PTPN23: variants seen among roughly 807,000 people sequenced by gnomAD.
The protein encoded by PTPN23 is protein tyrosine phosphatase non-receptor type 23.
In PTPN23, 72 loss-of-function variants were observed where a neutral mutation model predicts 156.3. The ratio of observed to expected loss-of-function variants is 0.46; its 90% CI spans 0.38 to 0.56. PTPN23 has a LOEUF of 0.56. Ranked by LOEUF, PTPN23 falls within the 20% of genes least tolerant of loss-of-function variation. PTPN23 has a pLI of 0.00. For missense variants in PTPN23, 1,974 were observed against 2,171.5 expected, an observed-to-expected ratio of 0.91 and a Z score of 1.81; for synonymous variants, 957 against 899.6, an observed-to-expected ratio of 1.06 and a Z score of -1.14.
In PTPN23 at chr3:47,412,082, C is replaced by T; in HGVS notation, c.4074-12C>T. 1 of 1,612,860 alleles carries T rather than the reference C, an allele frequency of 6.2e-7. No individual in the cohort carries two copies. ...GCTCATAGGCTCTTCCTGGCCCCATCCTGTCCCACAGAGGCCTGCCCGACA... is the reference window on the plus strand; with the variant it reads ...GCTCATAGGCTCTTCCTGGCCCCATTCTGTCCCACAGAGGCCTGCCCGACA... On this transcript the variant is annotated splice_polypyrimidine_tract_variant and intron_variant, in intron 21 of 24. Transcript: ENST00000265562.
rs1704876491 is a variant in PTPN23, at chr3:47,396,216, A to G, written c.158A>G (p.Gln53Arg). Residue 53 changes from glutamine to arginine, a missense_variant and splice_region_variant, in exon 2 of 25, where the codon CAG becomes CGG. Physicochemically the swap from Gln to Arg is conservative, Grantham distance 43. This residue lies in a region of PTPN23 where 726 missense variants were observed against 929.5 expected (regional missense o/e 0.78). Coordinates refer to ENST00000265562, the MANE Select transcript of PTPN23 (RefSeq NM_015466.4). The stretch of plus-strand genomic sequence containing the variant: ...CTGAAGAAGCTGGAGTTGCTCAGAC[A>G]GGTAGGAGGATAGTATTATCTTTTT... ...EELKKLELLRQNAVRVPRDFE... is the reference protein window; with the variant it reads ...EELKKLELLRRNAVRVPRDFE... 1.2e-6 allele frequency: 2 copies of G among 1,609,314 alleles called. No homozygotes were observed. Among genetic ancestry groups the G allele is most frequent in the Admixed American group, 1.7e-5 (1 of 59,848 alleles).
intron 1 of PTPN23, among the ~76,000 whole-genome samples, chr3:47,389,890 T>C (rs1248820230): frequency 3.0e-5 from 4 of 132,022 alleles, no homozygotes; most frequent in Non-Finnish European, 6.3e-5. Flanking sequence ...CTAGCCAACA[T>C]GGCAAAACCC....
intron 2 of PTPN23, among the ~76,000 whole-genome samples, chr3:47,397,215 T>C (rs1704897437): frequency 2.0e-5 from 3 of 152,110 alleles, no homozygotes; most frequent in Non-Finnish European, 2.9e-5. Context: ...ATAACAGATA[T>C]ATAATAAAAA....
Position 47,412,321 on chromosome 3 carries a change from A to G in PTPN23, c.4217A>G (p.Tyr1406Cys). The G allele has an allele frequency of 1.9e-6, 3 of 1,613,394 alleles. No homozygotes were observed. Among genetic ancestry groups the G allele is most frequent in the Non-Finnish European group, 1.7e-6 (2 of 1,180,010 alleles). Residue 1406 changes from tyrosine (Y) to cysteine (C), a missense_variant, in exon 23 of 25, where the codon TAT (tyrosine) becomes TGT (cysteine). Transcript: ENST00000265562. The part of the protein sequence containing the change: ...VGRTGAFALL[Y>C]AAVQEVEAGN... Reference sequence around the variant, plus strand: ...CGCACGGGAGCCTTTGCACTGCTCTATGCAGCTGTGCAGGAGGTGGAGGCT... The same window carrying G: ...CGCACGGGAGCCTTTGCACTGCTCTGTGCAGCTGTGCAGGAGGTGGAGGCT...
At chr3:47,402,309 T>C (rs1705012205) in intron 2 of PTPN23, among the ~76,000 whole-genome samples, 1 of 152,184 alleles carries the variant, frequency 6.6e-6, no homozygotes, top group Non-Finnish European at 1.5e-5. Context: ...AGACCGAGTC[T>C]CACTCTGTCA....
In PTPN23 at chr3:47,412,175, C is replaced by T; in HGVS notation, c.4155C>T (p.His1385=). 1.2e-6 allele frequency: 2 copies of T among 1,613,208 alleles called. No homozygotes were observed. Among genetic ancestry groups the T allele is most frequent in the Non-Finnish European group, 1.7e-6 (2 of 1,180,032 alleles). The change falls in exon 22 of 25, where the codon CAC becomes CAT. Residue 1385 remains histidine (H), a synonymous_variant. Transcript: ENST00000265562. ...ATTACCTGCATCAGCGGCCGCTGCA[C>T]ACGCCCATCATTGTGCACTGCAGGT... is the stretch of plus-strand genomic sequence containing the variant. The part of the protein sequence containing the change: ...HAHYLHQRPL[H]TPIIVHCSSG...
At chr3:47,390,259 C>T (rs914002219) in intron 1 of PTPN23, among the ~76,000 whole-genome samples, 1 of 152,090 alleles carries the variant, frequency 6.6e-6, no homozygotes, top group African/African-American at 2.4e-5. Context: ...AAACCAAGCC[C>T]AGATTTCACA....
At chr3:47,386,230 A>G (rs893624546) in intron 1 of PTPN23, among the ~76,000 whole-genome samples, 2 of 151,872 alleles carry the variant, frequency 1.3e-5, no homozygotes, top group African/African-American at 4.8e-5. Flanking sequence ...AAATGGTGCA[A>G]TCTTGGCTCA....
intron 1 of PTPN23, among the ~76,000 whole-genome samples, chr3:47,386,494 T>G (rs1162531190): frequency 6.6e-6 from 1 of 152,214 alleles, no homozygotes; most frequent in Admixed American, 6.5e-5. Flanking sequence ...TGCCTTTTTT[T>G]TACTGTTCAT....
chr3:47,404,938 C>T lies in PTPN23; in HGVS notation c.288-67C>T, dbSNP rs1705087365. On this transcript the variant is annotated intron_variant, in intron 3 of 24. Transcript: ENST00000265562. ...CATCCCCACAATGGGGTGTTTAGTC[C>T]CCTTACCTAATCTCAGGGCCCTGGC... 4.4e-6 allele frequency: 7 copies of T among 1,603,070 alleles called. No individual in the cohort carries two copies. The Admixed American group carries it at 6.7e-5, about 15-fold the overall frequency.
Position 47,406,434 on chromosome 3 carries a change from A to G in PTPN23, c.627+29A>G. The G allele has an allele frequency of 6.2e-7, 1 of 1,613,764 alleles. No homozygotes were observed. Among genetic ancestry groups the G allele is most frequent in the Middle Eastern group, 1.6e-4 (1 of 6,062 alleles). The stretch of plus-strand genomic sequence containing the variant: ...GGGACGGGGCTGAGGGGAGGCCTTC[A>G]CTTTACTGCTGACTCCCCCACTCAT... On this transcript the variant is annotated intron_variant, in intron 7 of 24. Transcript: ENST00000265562. This position sits in a 1 kb window ranked among gnomAD's most constrained non-coding sequence, Gnocchi z 5.8.
In PTPN23 at chr3:47,405,721, C is replaced by A. The variant is rs1705105575; in HGVS notation, c.365-28C>A. 4 of 1,593,326 alleles carry A rather than the reference C, an allele frequency of 2.5e-6. No homozygotes were observed. The highest frequency in any genetic ancestry group is 3.4e-6 in the Non-Finnish European group (4 of 1,170,358). ...TCACATGGGTGTGAGCAGCCCCAGG[C>A]CCCTAACACTGTCCCCTCCCTCCCC... is the stretch of plus-strand genomic sequence containing the variant. On this transcript the variant is annotated intron_variant, in intron 4 of 24. Coordinates refer to ENST00000265562, the MANE Select transcript of PTPN23 (RefSeq NM_015466.4). The surrounding 1 kb of genome is among the most constrained non-coding windows in gnomAD (Gnocchi z 4.7).
At position 47,407,656 on chromosome 3, in the gene PTPN23, ACT is replaced by A; in HGVS notation, c.1004-38_1004-37del. ...CAGGACACAGGAGGCTGCCTCAAGG[ACT>A]CTGCGTGGGCCTGATCTCCACAATT... On this transcript the variant is annotated intron_variant, in intron 12 of 24. Coordinates refer to ENST00000265562, the MANE Select transcript of PTPN23 (RefSeq NM_015466.4). The surrounding 1 kb of genome is among the most constrained non-coding windows in gnomAD (Gnocchi z 4.0). The A allele has an allele frequency of 6.2e-7, 1 of 1,607,508 alleles. No homozygotes were observed. The highest frequency in any genetic ancestry group is 8.5e-7 in the Non-Finnish European group (1 of 1,174,558).
chr3:47,406,842 TTC>T lies in PTPN23; in HGVS notation c.807+96_807+97del. 1.3e-6 allele frequency: 2 copies of T among 1,510,106 alleles called. No individual in the cohort carries two copies. Among genetic ancestry groups the T allele is most frequent in the Non-Finnish European group, 1.8e-6 (2 of 1,103,880 alleles). The allele number at this position is 1,510,106 out of a possible 1,614,324, so 93.5% of individuals were successfully genotyped here. A position where few individuals can be genotyped will look rare whatever the true frequency, so the allele number is the denominator to read the frequency against. On this transcript the variant is annotated intron_variant, in intron 9 of 24. Coordinates refer to ENST00000265562, the MANE Select transcript of PTPN23 (RefSeq NM_015466.4). This position sits in a 1 kb window ranked among gnomAD's most constrained non-coding sequence, Gnocchi z 5.8. ...GCTCCTTACACACCAGGGGGTGGCC[TTC>T]TCTGTCTCACCCTGGCCATCACCCT...
chr3:47,405,206 A>C lies in PTPN23; in HGVS notation c.364+125A>C. On this transcript the variant is annotated intron_variant, in intron 4 of 24. Transcript: ENST00000265562. This position sits in a 1 kb window ranked among gnomAD's most constrained non-coding sequence, Gnocchi z 4.7. ...AGGACTCCAGGATTCCCGCCCCTCC[A>C]CTGACCTCCCCACAGCCCTGCCAGC... 1.2e-6 allele frequency: 1 copy of C among 840,646 alleles called. No homozygotes were observed. Among genetic ancestry groups the C allele is most frequent in the Non-Finnish European group, 2.0e-6 (1 of 511,220 alleles). 52.1% of individuals were successfully genotyped at this position (840,646 alleles called of 1,614,324 possible).
At position 47,405,146 on chromosome 3, in the gene PTPN23, T is replaced by C; in HGVS notation, c.364+65T>C. On this transcript the variant is annotated intron_variant, in intron 4 of 24. Transcript: ENST00000265562. This position sits in a 1 kb window ranked among gnomAD's most constrained non-coding sequence, Gnocchi z 4.7. Reference sequence around the variant, plus strand: ...TCCTGCCAGCCTAGCTTTCAGCTCTTCAGATGGCCACAAAGGCAGTGGGCT... The same window carrying C: ...TCCTGCCAGCCTAGCTTTCAGCTCTCCAGATGGCCACAAAGGCAGTGGGCT... 1.3e-6 allele frequency: 2 copies of C among 1,483,544 alleles called. No homozygotes were observed. Among genetic ancestry groups the C allele is most frequent in the Non-Finnish European group, 1.9e-6 (2 of 1,062,118 alleles). The allele number at this position is 1,483,544 out of a possible 1,614,324, so 91.9% of individuals were successfully genotyped here.
At chr3:47,402,577 G>T (rs1705018266) in intron 2 of PTPN23, among the ~76,000 whole-genome samples, 1 of 152,202 alleles carries the variant, frequency 6.6e-6, no homozygotes. Context: ...ACCTCGCCCA[G>T]CCATATCTAT....
At position 47,411,996 on chromosome 3, in the gene PTPN23, G is replaced by A; in HGVS notation, c.4073+29G>A. The A allele has an allele frequency of 6.2e-7, 1 of 1,606,262 alleles. No homozygotes were observed. The highest frequency in any genetic ancestry group is 8.5e-7 in the Non-Finnish European group (1 of 1,175,630). ...AGTCCACTGCTCTGGATGGTGGTTG[G>A]GGGTCTAAGTGCTGTCCAGTCCTTG... On this transcript the variant is annotated intron_variant, in intron 21 of 24. Transcript: ENST00000265562. The surrounding 1 kb of genome is among the most constrained non-coding windows in gnomAD (Gnocchi z 6.3).
In PTPN23 at chr3:47,412,431, T is replaced by C. The variant is rs1430428775; in HGVS notation, c.4317+10T>C. On this transcript the variant is annotated intron_variant, in intron 23 of 24. Coordinates refer to ENST00000265562, the MANE Select transcript of PTPN23 (RefSeq NM_015466.4). The stretch of plus-strand genomic sequence containing the variant: ...CATGCTGCAGGAGAAGGTGAGGATC[T>C]GGGCAGATGGGGCTGGGATGGGCCT... 2 of 1,612,424 alleles carry C rather than the reference T, an allele frequency of 1.2e-6. No homozygotes were observed. Among genetic ancestry groups the C allele is most frequent in the Non-Finnish European group, 1.7e-6 (2 of 1,179,600 alleles).
Sources: allele counts gnomAD v4.1 joint callset (sites outside exome capture counted in the v4.1 genomes callset), GRCh38; gene constraint gnomAD v4.1.1; regional missense constraint gnomAD v4.1.1; non-coding constraint Gnocchi (gnomAD v3.1); transcripts MANE v1.5; gene names NCBI Gene and HGNC (gene_info 2026-07-23, HGNC 2026-07-21).